Variants in CEP63 observed in about 807,000 individuals in gnomAD.
CEP63 encodes the protein centrosomal protein 63, also known as centrosomal protein of 63 kDa.
CEP63 carries 84 observed loss-of-function variants against 89.1 expected under a neutral mutation model. The observed-to-expected ratio is 0.94, with a 90% confidence interval of 0.79 to 1.13. The LOEUF (loss-of-function observed/expected upper bound fraction) is 1.13, where lower values mean the gene tolerates loss of function less well. Ranked by LOEUF, CEP63 falls within the 50% of genes most tolerant of loss-of-function variation. CEP63 has a pLI of 0.00. For missense variants in CEP63, 838 were observed against 813.3 expected (o/e 1.03, Z -0.37); for synonymous variants, 267 against 272.5 (o/e 0.98, Z 0.20).
rs1957356246 is a variant in CEP63, at chr3:134,561,611, TA to T, written c.*81del. 1 of 1,548,366 alleles carries T rather than the reference TA, an allele frequency of 6.5e-7. No individual in the cohort carries two copies. Among genetic ancestry groups the T allele is most frequent in the South Asian group, 1.2e-5 (1 of 83,540 alleles). ...ACTGTCATCTGAAGTAGCAGCTCTT[TA>T]AAAACATGAAGAGATAAAATTATAA... is the stretch of plus-strand genomic sequence containing the variant. On this transcript the variant is annotated 3_prime_UTR_variant, in exon 15 of 15. Transcript: ENST00000675561.
intron 14 of CEP63, among the ~76,000 whole-genome samples, chr3:134,560,541 T>G (rs1399147810): frequency 6.6e-6 from 1 of 152,156 alleles, no homozygotes; most frequent in African/African-American, 2.4e-5. Context: ...GACAGCGCAG[T>G]GTAGGGAAAG....
intron 5 of CEP63, among the ~76,000 whole-genome samples, chr3:134,533,954 C>G (rs1950296621): frequency 6.6e-6 from 1 of 152,098 alleles, no homozygotes. Context: ...TCCCTTCCAC[C>G]CTTTTCGGCA....
At chr3:134,667,734 T>A in the CEP63 span, among the ~76,000 whole-genome samples, 12 of 152,208 alleles carry the variant, frequency 7.9e-5, no homozygotes, top group East Asian at 3.9e-4. Flanking sequence ...AGATGGCTGG[T>A]CTGTTGGGAG....
the CEP63 span, among the ~76,000 whole-genome samples, chr3:134,617,142 G>A: frequency 2.0e-5 from 3 of 152,114 alleles, no homozygotes; most frequent in Non-Finnish European, 4.4e-5. Context: ...CTTCAAATCT[G>A]GCATTCCTTC....
chr3:134,638,186 G>C, the CEP63 span, among the ~76,000 whole-genome samples: 2 of 152,334 alleles, frequency 1.3e-5, no homozygotes, highest in Admixed American at 6.5e-5. Flanking sequence ...GCCTGGGCTG[G>C]ACACGCTGTT....
chr3:134,622,484 A>G, the CEP63 span, among the ~76,000 whole-genome samples: 1 of 152,334 alleles, frequency 6.6e-6, no homozygotes, highest in Non-Finnish European at 1.5e-5. Flanking sequence ...ATACTGTATG[A>G]TTCCACTTAT....
chr3:134,504,157 A>G (rs1322608188), intron 2 of CEP63, among the ~76,000 whole-genome samples: 1 of 138,180 alleles, frequency 7.2e-6, no homozygotes, highest in South Asian at 2.3e-4. Flanking sequence ...TCTCTTTCTC[A>G]TTTGTGTTTC....
At chr3:134,708,260 C>T in the CEP63 span, among the ~76,000 whole-genome samples, 6 of 152,218 alleles carry the variant, frequency 3.9e-5, no homozygotes, top group African/African-American at 1.4e-4. Flanking sequence ...TTGCATTAAT[C>T]TTTTATCAGA....
the CEP63 span, among the ~76,000 whole-genome samples, chr3:134,611,321 C>G: frequency 6.6e-6 from 1 of 152,206 alleles, no homozygotes; most frequent in African/African-American, 2.4e-5. Context: ...AGCTAAAACC[C>G]TGAGGCCCAG....
At chr3:134,659,969 T>C in the CEP63 span, among the ~76,000 whole-genome samples, 5 of 152,210 alleles carry the variant, frequency 3.3e-5, no homozygotes, top group African/African-American at 1.2e-4. Context: ...TAGTCTCACG[T>C]GTGCAGGCAC....
At chr3:134,762,344 G>T in the CEP63 span, among the ~76,000 whole-genome samples, 3 of 152,120 alleles carry the variant, frequency 2.0e-5, no homozygotes, top group Non-Finnish European at 2.9e-5. Context: ...CTGGGGCGGT[G>T]TATCAGGTAA....
At chr3:134,659,650 A>G in the CEP63 span, among the ~76,000 whole-genome samples, 1 of 152,166 alleles carries the variant, frequency 6.6e-6, no homozygotes, top group Non-Finnish European at 1.5e-5. Context: ...GAGTGCTCCT[A>G]GTGGTGGGAG....
the CEP63 span, among the ~76,000 whole-genome samples, chr3:134,760,022 T>C: frequency 6.6e-6 from 1 of 151,960 alleles, no homozygotes; most frequent in Non-Finnish European, 1.5e-5. Context: ...AATGTGGAAA[T>C]ATTCGTCTGT....
At chr3:134,551,894 A>G (rs1954947328) in intron 11 of CEP63, 32 bp from the exon 12 acceptor site, 3 of 1,456,114 alleles carry the variant, frequency 2.1e-6, no homozygotes, top group East Asian at 2.3e-5. Context: ...TTTACATGTT[A>G]TATTTATTTT....
At chr3:134,576,097 A>G (rs1958207193), downstream of CEP63, among the ~76,000 whole-genome samples, 1 of 152,152 alleles carries the variant, frequency 6.6e-6, no homozygotes, top group Admixed American at 6.5e-5. Context: ...ATAATTGTTT[A>G]TGCTTTTCAC....
the CEP63 span, among the ~76,000 whole-genome samples, chr3:134,773,383 G>T: frequency 6.6e-6 from 1 of 152,178 alleles, no homozygotes; most frequent in African/African-American, 2.4e-5. Flanking sequence ...ACCTTTGGAG[G>T]CCACTCAAGC....
At chr3:134,592,185 A>G (rs1958610638), downstream of CEP63, among the ~76,000 whole-genome samples, 1 of 152,176 alleles carries the variant, frequency 6.6e-6, no homozygotes, top group Non-Finnish European at 1.5e-5. Context: ...GTTCCTCAAA[A>G]TGTGGGCCTC....
At chr3:134,626,862 C>T in the CEP63 span, among the ~76,000 whole-genome samples, 1 of 152,196 alleles carries the variant, frequency 6.6e-6, no homozygotes, top group Non-Finnish European at 1.5e-5. Context: ...CAGGCAGGCC[C>T]CTGCTGAGCC....
At chr3:134,693,331 G>GC in the CEP63 span, among the ~76,000 whole-genome samples, 10 of 152,278 alleles carry the variant, frequency 6.6e-5, no homozygotes, top group Middle Eastern at 6.8e-3. Flanking sequence ...GAGGACAAGA[G>GC]CCATACCTGG....
Sources: allele counts gnomAD v4.1 joint callset (sites outside exome capture counted in the v4.1 genomes callset), GRCh38; gene constraint gnomAD v4.1.1; transcripts MANE v1.5; gene names NCBI Gene and HGNC (gene_info 2026-07-23, HGNC 2026-07-21).